Variants in NPAS3 observed in about 807,000 individuals in gnomAD.
NPAS3 encodes the protein neuronal PAS domain-containing protein 3.
Under a neutral mutation model 73.1 loss-of-function variants are expected in NPAS3, and 14 were observed. That is an observed-to-expected ratio of 0.19 (90% CI 0.13 to 0.30). The LOEUF is 0.30. Among genes scored for constraint, NPAS3 ranks in the 10% least tolerant of loss-of-function variants. The pLI, the probability that NPAS3 is intolerant of heterozygous loss-of-function variation, is 1.00. For missense variants in NPAS3, 1,096 were observed against 1,250.0 expected, an observed-to-expected ratio of 0.88 and a Z score of 1.86; for synonymous variants, 620 against 541.5, an observed-to-expected ratio of 1.14 and a Z score of -2.01.
At chr14:33,141,948 T>C (rs1421422603) in intron 2 of NPAS3, among the ~76,000 whole-genome samples, 1 of 152,174 alleles carries the variant, frequency 6.6e-6, no homozygotes, top group Non-Finnish European at 1.5e-5. Flanking sequence ...TTTTAGGACA[T>C]TTCTTAATTT....
intron 4 of NPAS3, among the ~76,000 whole-genome samples, chr14:33,399,914 CTG>C (rs1308721744): frequency 6.6e-6 from 1 of 152,070 alleles, no homozygotes; most frequent in African/African-American, 2.4e-5. Context: ...TGCTTTAACT[CTG>C]TACTTCGGTT....
chr14:33,696,358 T>C lies in NPAS3; in HGVS notation c.733+19973T>C, dbSNP rs146281638. Reference sequence around the variant, plus strand: ...CAACTGGCTTGCCTTAAGAATGTACTTTAAACACTTTGAGCCACTTTCGTC... The same window carrying C: ...CAACTGGCTTGCCTTAAGAATGTACCTTAAACACTTTGAGCCACTTTCGTC... On this transcript the variant is annotated intron_variant, in intron 6 of 11. Transcript: ENST00000356141. Among the ~76,000 whole-genome samples the C allele has an allele frequency of 3.6e-3, 550 of 152,328 alleles. 6 individuals carry two copies. Among genetic ancestry groups the C allele is most frequent in the African/African-American group, 0.013 (523 of 41,580 alleles).
intron 3 of NPAS3, among the ~76,000 whole-genome samples, chr14:33,289,412 C>A (rs561836374): frequency 6.6e-6 from 1 of 152,162 alleles, no homozygotes; most frequent in Non-Finnish European, 1.5e-5. Flanking sequence ...GACACCCTGC[C>A]CCTTTTAAAA....
intron 2 of NPAS3, among the ~76,000 whole-genome samples, chr14:33,211,132 C>T (rs534671039): frequency 2.3e-4 from 35 of 152,232 alleles, no homozygotes; most frequent in African/African-American, 4.6e-4. Flanking sequence ...TTAATTCTAA[C>T]GACAACTTTA....
chr14:33,515,798 T>A (rs2053269620), intron 4 of NPAS3, among the ~76,000 whole-genome samples: 1 of 152,124 alleles, frequency 6.6e-6, no homozygotes, highest in African/African-American at 2.4e-5. Flanking sequence ...TCTTCATGGA[T>A]CTTGTCCCTC....
intron 6 of NPAS3, among the ~76,000 whole-genome samples, chr14:33,719,829 T>C (rs74556719): frequency 0.063 from 9,601 of 152,210 alleles, 382 homozygotes; most frequent in South Asian, 0.2. Context: ...AGGTCTTCTT[T>C]CCATAGAAAG....
chr14:33,310,852 C>T (rs2042975107), intron 3 of NPAS3, among the ~76,000 whole-genome samples: 1 of 149,548 alleles, frequency 6.7e-6, no homozygotes, highest in Admixed American at 6.7e-5. Flanking sequence ...TCAGAGAAAA[C>T]AACCTTAGTA....
At chr14:33,064,063 G>A (rs1200999662) in intron 2 of NPAS3, among the ~76,000 whole-genome samples, 1 of 152,072 alleles carries the variant, frequency 6.6e-6, no homozygotes, top group Non-Finnish European at 1.5e-5. Context: ...TCACACCAAA[G>A]TACAGTATTG....
chr14:33,061,208 A>T (rs181465217), intron 2 of NPAS3, among the ~76,000 whole-genome samples: 57 of 152,288 alleles, frequency 3.7e-4, no homozygotes, highest in African/African-American at 1.3e-3. Context: ...GGGAAAGGTC[A>T]CGGAGGCTCC....
chr14:33,429,466 A>T (rs1448005349), intron 4 of NPAS3, among the ~76,000 whole-genome samples: 1 of 152,180 alleles, frequency 6.6e-6, no homozygotes, highest in Non-Finnish European at 1.5e-5. Context: ...TCAATTCTGC[A>T]ACCATACCCA....
At chr14:33,055,884 C>T in intron 1 of NPAS3, 21 bp from the exon 2 acceptor site, 1 of 789,972 alleles carries the variant, frequency 1.3e-6, no homozygotes, top group Non-Finnish European at 2.2e-6. Flanking sequence ...TCATGTCTAT[C>T]TGTTTTTGAT....
chr14:33,227,548 G>T (rs1359552426), intron 3 of NPAS3, among the ~76,000 whole-genome samples: 1 of 152,132 alleles, frequency 6.6e-6, no homozygotes, highest in Non-Finnish European at 1.5e-5. Context: ...CTTCGTGAAG[G>T]CTATCCTCCT....
At chr14:33,733,326 A>AG (rs2061445040) in intron 6 of NPAS3, among the ~76,000 whole-genome samples, 1 of 151,522 alleles carries the variant, frequency 6.6e-6, no homozygotes, top group Non-Finnish European at 1.5e-5. Context: ...AAAAAAAAAA[A>AG]GGATATAGCA....
chr14:33,252,016 G>A (rs1320794797), intron 3 of NPAS3, among the ~76,000 whole-genome samples: 1 of 150,886 alleles, frequency 6.6e-6, no homozygotes, highest in Non-Finnish European at 1.5e-5. Context: ...ATTACTTGTT[G>A]GGTATTAGAA....
chr14:33,740,140 C>T (rs1405756958), intron 7 of NPAS3, among the ~76,000 whole-genome samples: 1 of 152,156 alleles, frequency 6.6e-6, no homozygotes, highest in Non-Finnish European at 1.5e-5. Flanking sequence ...AACACAGGCT[C>T]AGCTAGGCAT....
intron 6 of NPAS3, among the ~76,000 whole-genome samples, chr14:33,682,178 A>G (rs1232397894): frequency 2.0e-5 from 3 of 152,238 alleles, no homozygotes; most frequent in Non-Finnish European, 2.9e-5. Flanking sequence ...ATAGGCAAAG[A>G]TAAATCCATC....
intron 3 of NPAS3, among the ~76,000 whole-genome samples, chr14:33,355,362 G>A (rs760131216): frequency 6.6e-5 from 10 of 152,008 alleles, no homozygotes; most frequent in Admixed American, 1.3e-4. Context: ...GTGCAGTGGC[G>A]AGATCTCGGC....
At chr14:33,622,310 C>T (rs2058098548) in intron 5 of NPAS3, among the ~76,000 whole-genome samples, 1 of 150,178 alleles carries the variant, frequency 6.7e-6, no homozygotes, top group East Asian at 2.0e-4. Flanking sequence ...AAAATAAACC[C>T]TAAAAAAAAA....
At chr14:33,195,697 G>A (rs1296510886) in intron 2 of NPAS3, among the ~76,000 whole-genome samples, 1 of 152,190 alleles carries the variant, frequency 6.6e-6, no homozygotes, top group Non-Finnish European at 1.5e-5. Flanking sequence ...TGCCTTATCA[G>A]TTCTAGGCTT....
Sources: gnomAD v4.1 joint callset for allele counts (sites outside exome capture counted in the v4.1 genomes callset) on GRCh38, gnomAD v4.1.1 for gene constraint, MANE v1.5 for transcripts, NCBI Gene and HGNC (gene_info 2026-07-23, HGNC 2026-07-21) for gene names.